The following ALDH3B2 variants were observed in gnomAD, a reference collection of about 807,000 sequenced individuals.
ALDH3B2 encodes the protein aldehyde dehydrogenase family 3 member B2.
A neutral mutation model predicts 36.7 loss-of-function variants in ALDH3B2; 45 were observed. That is an observed-to-expected ratio of 1.23 (90% CI 0.97 to 1.57). ALDH3B2 has a LOEUF of 1.57. Among genes scored for constraint, ALDH3B2 ranks in the 40% most tolerant of loss-of-function variants. ALDH3B2 has a pLI of 0.00. For synonymous variants in ALDH3B2, 217 were observed against 226.5 expected (o/e 0.96, Z 0.38); for missense variants, 464 against 513.3 (o/e 0.90, Z 0.93).
At chr11:67,671,312 CCAG>C (rs1170557771) in intron 1 of ALDH3B2, 3 of 152,406 alleles carry the variant, frequency 2.0e-5, no homozygotes, top group South Asian at 2.1e-4. Context: ...AATCACGGAG[CCAG>C]CAGCATCTGC....
At chr11:67,663,045 C>G in exon 10 of ALDH3B2, 1 of 858,300 alleles carries the variant, frequency 1.2e-6, no homozygotes, top group Non-Finnish European at 1.8e-6. Flanking sequence ...CAGATAGAAG[C>G]AAGACCTTGC....
Position 67,666,554 on chromosome 11 carries a change from G to A in ALDH3B2, c.151+20C>T, listed in dbSNP as rs758540346. On this transcript the variant is annotated intron_variant, in intron 4 of 9. Transcript: ENST00000349015. The stretch of plus-strand genomic sequence containing the variant: ...GGCTACTGGGCGGGGAGAGCATGGG[G>A]TTCGGAACGCCCTCCTCACCTGCGG... 9.5e-5 allele frequency: 153 copies of A among 1,613,540 alleles called. No homozygotes were observed. Among genetic ancestry groups the A allele is most frequent in the Middle Eastern group, 1.6e-4 (1 of 6,070 alleles).
Position 67,664,568 on chromosome 11 carries a change from G to A in ALDH3B2, c.707-6C>T. ...GTCCACCAGCACCGTGGGGGCTGCG[G>A]GCACCAGAGACGGCTCAGCCCTGGG... On this transcript the variant is annotated splice_polypyrimidine_tract_variant and splice_region_variant and intron_variant, in intron 7 of 9. Transcript: ENST00000349015. 6.2e-7 allele frequency: 1 copy of A among 1,612,790 alleles called. No individual in the cohort carries two copies. Among genetic ancestry groups the A allele is most frequent in the South Asian group, 1.1e-5 (1 of 91,034 alleles).
intron 3 of ALDH3B2, 42 bp from the exon 4 acceptor site, chr11:67,666,736 C>G: frequency 1.9e-6 from 3 of 1,611,940 alleles, no homozygotes; most frequent in Non-Finnish European, 2.5e-6. Context: ...CAAGGGCCAC[C>G]CCAAAGCCCA....
In ALDH3B2 at chr11:67,672,100, T is replaced by TG. The variant is rs1395112884; in HGVS notation, c.-245+2336_-245+2337insC. On this transcript the variant is annotated intron_variant, in intron 1 of 9. Transcript: ENST00000349015. ...ATATATATATATATGTATGTATGTA[T>TG]TTTGTGTGTGTGTGTGTGTGTGTGT... Among the ~76,000 whole-genome samples the TG allele has an allele frequency of 2.8e-3, 124 of 44,184 alleles. 1 individual carries two copies. The highest frequency in any genetic ancestry group is 0.011 in the Middle Eastern group (1 of 92). The allele number at this position is 44,184 out of a possible 152,430, so 29.0% of individuals were successfully genotyped here.
rs563283284 is a variant in ALDH3B2 at position 67,665,180 on chromosome 11, GGGGCC to G, written c.706+100_706+104del. 487 of 1,508,308 alleles carry G rather than the reference GGGGCC, an allele frequency of 3.2e-4. 2 individuals carry two copies. In the African/African-American group the frequency reaches 6.3e-3, roughly 19 times the overall value. 93.4% of individuals were successfully genotyped at this position (1,508,308 alleles called of 1,614,324 possible). A position where few individuals can be genotyped will look rare whatever the true frequency, so the allele number is the denominator to read the frequency against. Reference sequence around the variant, plus strand: ...TGGCTCAAGGCCGGGCTCTGATAGTGGGGCCGGGTTTCAGGTGCGAGTCCAGACTC... The same window carrying G: ...TGGCTCAAGGCCGGGCTCTGATAGTGGGGTTTCAGGTGCGAGTCCAGACTC... On this transcript the variant is annotated intron_variant, in intron 7 of 9. Coordinates refer to ENST00000349015, the Ensembl canonical transcript of ALDH3B2.
chr11:67,667,436 C>A, intron 2 of ALDH3B2, 37 bp downstream of exon 2: 2 of 354,674 alleles, frequency 5.6e-6, no homozygotes, highest in Non-Finnish European at 1.1e-5. Flanking sequence ...AGGGACGCTG[C>A]TCCAGCCCCT....
At chr11:67,670,544 C>T (rs1468083795) in intron 1 of ALDH3B2, among the ~76,000 whole-genome samples, 12 of 152,274 alleles carry the variant, frequency 7.9e-5, no homozygotes, top group Admixed American at 3.9e-4. Context: ...GCACTTGCAC[C>T]GCACCAGGCA....
intron 6 of ALDH3B2, 152 bp downstream of exon 6, chr11:67,665,970 G>A (rs1036308728): frequency 2.7e-6 from 3 of 1,102,356 alleles, no homozygotes; most frequent in Admixed American, 4.2e-5. Context: ...TGTGCCCAGG[G>A]CGTGGCCTAT....
At chr11:67,676,151 G>A (rs1010652239), upstream of ALDH3B2, among the ~76,000 whole-genome samples, 1 of 152,162 alleles carries the variant, frequency 6.6e-6, no homozygotes, top group African/African-American at 2.4e-5. Context: ...GGAGGCTGAG[G>A]CAGGAGAATT....
chr11:67,664,389 C>T lies in ALDH3B2; in HGVS notation c.873+7G>A. The T allele has an allele frequency of 6.2e-7, 1 of 1,613,922 alleles. No individual in the cohort carries two copies. The highest frequency in any genetic ancestry group is 2.2e-5 in the East Asian group (1 of 44,880). On this transcript the variant is annotated splice_region_variant and intron_variant, in intron 8 of 9. Coordinates refer to ENST00000349015, the Ensembl canonical transcript of ALDH3B2. Reference sequence around the variant, plus strand: ...CTCCATTGCCCCCAACCCGGCCGCACCCCCACCTGGCTGCTGTTGGAGAAG... The same window carrying T: ...CTCCATTGCCCCCAACCCGGCCGCATCCCCACCTGGCTGCTGTTGGAGAAG...
intron 1 of ALDH3B2, among the ~76,000 whole-genome samples, chr11:67,680,823 C>G (rs1474364070): frequency 6.6e-6 from 1 of 152,148 alleles, no homozygotes; most frequent in Non-Finnish European, 1.5e-5. Flanking sequence ...CATTTGGCAC[C>G]CCACTGGGCC....
chr11:67,665,820 G>A, intron 6 of ALDH3B2, 149 bp from the exon 7 acceptor site: 1 of 1,264,658 alleles, frequency 7.9e-7, no homozygotes, highest in Non-Finnish European at 1.1e-6. Flanking sequence ...AACTGGCCTT[G>A]ACCACACACT....
chr11:67,670,609 A>G (rs1335399593), intron 1 of ALDH3B2, among the ~76,000 whole-genome samples: 9 of 152,156 alleles, frequency 5.9e-5, no homozygotes, highest in Admixed American at 5.2e-4. Context: ...AGCCAGCTGA[A>G]CCAATGGCAG....
intron 1 of ALDH3B2, among the ~76,000 whole-genome samples, chr11:67,672,938 T>C (rs533707526): frequency 2.3e-4 from 34 of 148,342 alleles, no homozygotes; most frequent in Non-Finnish European, 4.3e-4. Flanking sequence ...CTTTTCTTTT[T>C]TTTTTTTTTT....
upstream of ALDH3B2, among the ~76,000 whole-genome samples, chr11:67,679,118 C>T (rs974670615): frequency 3.9e-5 from 6 of 152,046 alleles, no homozygotes; most frequent in African/African-American, 1.4e-4. Flanking sequence ...CACAAATCAC[C>T]ACTAAAGAAT....
At chr11:67,663,714 G>C (rs774905070) in exon 9 of ALDH3B2, 1 of 1,612,988 alleles carries the variant, frequency 6.2e-7, no homozygotes, top group Non-Finnish European at 8.5e-7. Flanking sequence ...AGCCCTCATT[G>C]CCTCCAAAGC....
chr11:67,668,606 A>G (rs527247354), intron 1 of ALDH3B2, among the ~76,000 whole-genome samples: 10 of 150,140 alleles, frequency 6.7e-5, no homozygotes, highest in African/African-American at 2.5e-4. Flanking sequence ...GTCTTTGTAT[A>G]GCTTTGTGTC....
chr11:67,668,146 C>T (rs968209885), intron 1 of ALDH3B2, among the ~76,000 whole-genome samples: 11 of 152,150 alleles, frequency 7.2e-5, no homozygotes, highest in East Asian at 5.8e-4. Context: ...GCTTTGAGGT[C>T]GCAGATGGGG....
Sources: allele counts gnomAD v4.1 joint callset (sites outside exome capture counted in the v4.1 genomes callset), GRCh38; gene constraint gnomAD v4.1.1; transcripts MANE v1.5; gene names NCBI Gene and HGNC (gene_info 2026-07-23, HGNC 2026-07-21).